TVP23A: variants seen among roughly 807,000 people sequenced by gnomAD.
The protein encoded by TVP23A is trans-golgi network vesicle protein 23 homolog A.
Under a neutral mutation model 31.7 loss-of-function variants are expected in TVP23A, and 21 were observed. That is an observed-to-expected ratio of 0.66 (90% CI 0.47 to 0.95). The LOEUF is 0.95. TVP23A is among the 40% of genes least tolerant of loss of function. The pLI, the probability that TVP23A is intolerant of heterozygous loss-of-function variation, is 0.00. For missense variants in TVP23A, 279 were observed against 255.6 expected, an observed-to-expected ratio of 1.09 and a Z score of -0.62; for synonymous variants, 104 against 96.0, an observed-to-expected ratio of 1.08 and a Z score of -0.49.
At chr16:10,780,013 A>T (rs909220590) in intron 2 of TVP23A, among the ~76,000 whole-genome samples, 2 of 152,140 alleles carry the variant, frequency 1.3e-5, no homozygotes, top group African/African-American at 2.4e-5. Flanking sequence ...GCTTGAACCC[A>T]GGAGGCAAAG....
chr16:10,814,380 G>C (rs928619745), intron 2 of TVP23A, among the ~76,000 whole-genome samples: 25 of 152,290 alleles, frequency 1.6e-4, no homozygotes, highest in Non-Finnish European at 3.1e-4. Flanking sequence ...GGACCACTCT[G>C]AGTTCAACAT....
chr16:10,796,418 G>GATTTGATTTT (rs571910977), intron 2 of TVP23A, among the ~76,000 whole-genome samples: 4 of 151,598 alleles, frequency 2.6e-5, no homozygotes, highest in African/African-American at 9.7e-5. Flanking sequence ...TAGTAAAAGG[G>GATTTGATTTT]ATTTTATTTT....
At chr16:10,773,890 C>T (rs1174554920) in intron 4 of TVP23A, 149 bp downstream of exon 4, 3 of 656,268 alleles carry the variant, frequency 4.6e-6, no homozygotes, top group East Asian at 5.6e-5. Context: ...GACACTTTTG[C>T]CACACCCATG....
chr16:10,784,593 A>G (rs886257343), intron 2 of TVP23A, among the ~76,000 whole-genome samples: 6 of 150,872 alleles, frequency 4.0e-5, no homozygotes, highest in Non-Finnish European at 5.9e-5. Flanking sequence ...AGAAAGAAAG[A>G]AAAAAAAACC....
chr16:10,757,873 G>A, downstream of TVP23A: 1 of 1,613,348 alleles, frequency 6.2e-7, no homozygotes, highest in South Asian at 1.1e-5. The surrounding 1 kb of genome is among the most constrained non-coding windows in gnomAD (Gnocchi z 4.1). Flanking sequence ...CTCTTTCTAG[G>A]CATGATCAAG....
Position 10,818,306 on chromosome 16 carries a change from G to C in TVP23A, c.10-124C>G, listed in dbSNP as rs1444345308. The C allele has an allele frequency of 7.7e-7, 1 of 1,298,114 alleles. No individual in the cohort carries two copies. Among genetic ancestry groups the C allele is most frequent in the Admixed American group, 2.0e-5 (1 of 49,380 alleles). The allele number at this position is 1,298,114 out of a possible 1,614,324, so 80.4% of individuals were successfully genotyped here. A position where few individuals can be genotyped will look rare whatever the true frequency, so the allele number is the denominator to read the frequency against. ...CCGGGTTCCCAAGTGGACCCTCCGA[G>C]CTGGCGGGGCCCCTCCGCTGCGGCT... On this transcript the variant is annotated intron_variant, in intron 1 of 7. Coordinates refer to ENST00000299866, the MANE Select transcript of TVP23A (RefSeq NM_001079512.4). This position sits in a 1 kb window ranked among gnomAD's most constrained non-coding sequence, Gnocchi z 4.7.
chr16:10,775,147 C>A, intron 2 of TVP23A, 51 bp from the exon 3 acceptor site: 3 of 1,565,214 alleles, frequency 1.9e-6, no homozygotes, highest in South Asian at 2.4e-5. Flanking sequence ...AGCGGATGGT[C>A]ACTGAACTCC....
intron 2 of TVP23A, among the ~76,000 whole-genome samples, chr16:10,789,665 T>TAA (rs969812242): frequency 0.046 from 2,516 of 55,292 alleles, 190 homozygotes; most frequent in African/African-American, 0.13. Context: ...CCATCTCTAC[T>TAA]AAAAAAAAAA....
At chr16:10,761,559 T>C in exon 9 of TVP23A, 1 of 1,213,794 alleles carries the variant, frequency 8.2e-7, no homozygotes. Flanking sequence ...GCAAACTATT[T>C]CTGCTTTCCC....
intron 2 of TVP23A, among the ~76,000 whole-genome samples, chr16:10,776,304 G>A (rs1331398521): frequency 6.6e-6 from 1 of 152,014 alleles, no homozygotes; most frequent in African/African-American, 2.4e-5. Context: ...GAACCTGGGA[G>A]GCGGAGGTTG....
intron 2 of TVP23A, among the ~76,000 whole-genome samples, chr16:10,790,308 G>A (rs1231010515): frequency 1.6e-5 from 2 of 125,914 alleles, no homozygotes; most frequent in African/African-American, 5.9e-5. Context: ...TTTTTGAGAC[G>A]GAGTCTCGCA....
downstream of TVP23A, among the ~76,000 whole-genome samples, chr16:10,759,636 C>A (rs535961374): frequency 3.3e-5 from 5 of 152,154 alleles, no homozygotes; most frequent in African/African-American, 1.2e-4. The surrounding 1 kb of genome is among the most constrained non-coding windows in gnomAD (Gnocchi z 4.7). Flanking sequence ...ATTAGCCAGG[C>A]GTGGTGGTGG....
intron 6 of TVP23A, among the ~76,000 whole-genome samples, 186 bp from the exon 7 acceptor site, chr16:10,770,517 C>A (rs2031506667): frequency 6.6e-6 from 1 of 150,410 alleles, no homozygotes; most frequent in Non-Finnish European, 1.5e-5. Flanking sequence ...TGAACCTGGT[C>A]AAATTTCAAA....
chr16:10,784,673 G>A (rs1300094777), intron 2 of TVP23A, among the ~76,000 whole-genome samples: 1 of 152,080 alleles, frequency 6.6e-6, no homozygotes, highest in Non-Finnish European at 1.5e-5. Context: ...ATAATGTATT[G>A]GTTCATCAAG....
At chr16:10,816,327 A>G (rs1309106127) in intron 2 of TVP23A, among the ~76,000 whole-genome samples, 1 of 139,284 alleles carries the variant, frequency 7.2e-6, no homozygotes. Context: ...TAATTTAATT[A>G]TTTAATTAAG....
At position 10,779,600 on chromosome 16, in the gene TVP23A, C is replaced by G. The variant is rs534018208; in HGVS notation, c.90-4504G>C. The stretch of plus-strand genomic sequence containing the variant: ...CCAGCTGCGTGTGTTCCCGGACCAA[C>G]TGAGAATCAGGCGGCATATTCTTGT... On this transcript the variant is annotated intron_variant, in intron 2 of 7. Coordinates refer to ENST00000299866, the MANE Select transcript of TVP23A (RefSeq NM_001079512.4). The surrounding 1 kb of genome is among the most constrained non-coding windows in gnomAD (Gnocchi z 4.9). Among the ~76,000 whole-genome samples the G allele has an allele frequency of 1.7e-4, 26 of 152,232 alleles. No homozygotes were observed. The highest frequency in any genetic ancestry group is 3.2e-4 in the Non-Finnish European group (22 of 68,040).
At chr16:10,759,907 C>T (rs1900826461), downstream of TVP23A, among the ~76,000 whole-genome samples, 1 of 152,238 alleles carries the variant, frequency 6.6e-6, no homozygotes, top group Non-Finnish European at 1.5e-5. This position sits in a 1 kb window ranked among gnomAD's most constrained non-coding sequence, Gnocchi z 4.7. Context: ...AGGCCCAAAG[C>T]TGCGAGCCTT....
At chr16:10,813,948 G>T (rs1031692078) in intron 2 of TVP23A, among the ~76,000 whole-genome samples, 1 of 128,826 alleles carries the variant, frequency 7.8e-6, no homozygotes, top group Non-Finnish European at 1.6e-5. Flanking sequence ...GCAGTGAGCC[G>T]AGATCGCACC....
chr16:10,758,339 G>T (rs940993422), downstream of TVP23A, among the ~76,000 whole-genome samples: 4 of 152,174 alleles, frequency 2.6e-5, no homozygotes, highest in African/African-American at 4.8e-5. Flanking sequence ...CAGGCATGGT[G>T]GCTCGCGCCT....
Sources: gnomAD v4.1 joint callset for allele counts (sites outside exome capture counted in the v4.1 genomes callset) on GRCh38, gnomAD v4.1.1 for gene constraint, Gnocchi (gnomAD v3.1) non-coding constraint, MANE v1.5 for transcripts, NCBI Gene and HGNC (gene_info 2026-07-23, HGNC 2026-07-21) for gene names.